Variants in SRP72 observed in about 807,000 individuals in gnomAD.
SRP72 encodes the protein signal recognition particle subunit SRP72.
SRP72 carries 49 observed loss-of-function variants against 96.3 expected under a neutral mutation model. The observed-to-expected ratio is 0.51, with a 90% CI of 0.40 to 0.65. SRP72 has a LOEUF of 0.65. Ranked by LOEUF, SRP72 falls within the 30% of genes least tolerant of loss-of-function variation. The pLI is 0.00. For synonymous variants in SRP72, 267 were observed against 275.2 expected (o/e 0.97, Z 0.30); for missense variants, 736 against 793.3 (o/e 0.93, Z 0.87).
At chr4:56,479,768 G>A (rs566649169) in intron 8 of SRP72, among the ~76,000 whole-genome samples, 35 of 151,978 alleles carry the variant, frequency 2.3e-4, no homozygotes, top group African/African-American at 8.0e-4. Flanking sequence ...AGGGGTGAGC[G>A]ACCACACCCA....
chr4:56,487,901 A>G (rs1284775163), intron 11 of SRP72, 48 bp from the exon 12 acceptor site: 1 of 1,416,808 alleles, frequency 7.1e-7, no homozygotes, highest in Non-Finnish European at 9.6e-7. Context: ...TTTTTTTTTC[A>G]TAATATGTGT....
At position 56,500,527 on chromosome 4, in the gene SRP72, G is replaced by A. The variant is rs182243599; in HGVS notation, c.1679-9G>A. Reference sequence around the variant, plus strand: ...ACACATCTCTCATTTCTTTATAATCGTTATGCAGGAAAATTGCCTAAGAAT... The same window carrying A: ...ACACATCTCTCATTTCTTTATAATCATTATGCAGGAAAATTGCCTAAGAAT... On this transcript the variant is annotated splice_polypyrimidine_tract_variant and intron_variant, in intron 17 of 18. Coordinates refer to ENST00000642900, the MANE Select transcript of SRP72 (RefSeq NM_006947.4). The A allele has an allele frequency of 5.5e-5, 89 of 1,610,060 alleles. No homozygotes were observed. The highest frequency in any genetic ancestry group is 6.7e-5 in the African/African-American group (5 of 74,712).
In SRP72 at chr4:56,503,214, A is replaced by T. The variant is rs1364220580; in HGVS notation, c.*1353A>T. 1 of 152,188 alleles carries T rather than the reference A, an allele frequency of 6.6e-6. No individual in the cohort carries two copies. The highest frequency in any genetic ancestry group is 1.5e-5 in the Non-Finnish European group (1 of 68,028). 9.4% of individuals were successfully genotyped at this position (152,188 alleles called of 1,614,324 possible). On this transcript the variant is annotated 3_prime_UTR_variant, in exon 19 of 19. Coordinates refer to ENST00000642900, the MANE Select transcript of SRP72 (RefSeq NM_006947.4). ...AGAATTTGCAGTGGCATCTAAAGAG[A>T]TCTTTTTTAAATAAAAATTATGTAT...
intron 3 of SRP72, among the ~76,000 whole-genome samples, chr4:56,472,999 A>C (rs1385162458): frequency 6.6e-6 from 1 of 152,086 alleles, no homozygotes; most frequent in East Asian, 1.9e-4. Flanking sequence ...TAAAATGAAG[A>C]TTATAGCGAA....
chr4:56,471,937 T>C, intron 3 of SRP72, 94 bp downstream of exon 3: 1 of 1,483,376 alleles, frequency 6.7e-7, no homozygotes, highest in East Asian at 2.3e-5. Context: ...CAGCCCATCC[T>C]GATGCTCCAC....
chr4:56,468,936 G>C (rs1404128857), intron 1 of SRP72, among the ~76,000 whole-genome samples: 1 of 152,180 alleles, frequency 6.6e-6, no homozygotes, highest in Non-Finnish European at 1.5e-5. Context: ...ACAGGAGCAA[G>C]AGTAACTATG....
chr4:56,473,319 G>A (rs1426046309), intron 3 of SRP72, among the ~76,000 whole-genome samples: 1 of 152,038 alleles, frequency 6.6e-6, no homozygotes, highest in African/African-American at 2.4e-5. Context: ...AATTAGCCAG[G>A]TGTGGTGGCG....
intron 16 of SRP72, among the ~76,000 whole-genome samples, chr4:56,492,931 G>A (rs1578194818): frequency 6.6e-6 from 1 of 152,176 alleles, no homozygotes; most frequent in African/African-American, 2.4e-5. Flanking sequence ...GCTCCAGTGA[G>A]CAGTGATTGC....
chr4:56,471,239 ATGTT>A (rs1288450880), intron 2 of SRP72, among the ~76,000 whole-genome samples: 1 of 152,240 alleles, frequency 6.6e-6, no homozygotes, highest in Non-Finnish European at 1.5e-5. Flanking sequence ...AAGTGTGTGT[ATGTT>A]AGTAGTGTTT....
chr4:56,471,980 G>T, intron 3 of SRP72, 137 bp downstream of exon 3: 1 of 982,602 alleles, frequency 1.0e-6, no homozygotes, highest in Non-Finnish European at 1.5e-6. Context: ...CTTAAGGTTT[G>T]AACATAATTC....
intron 16 of SRP72, among the ~76,000 whole-genome samples, chr4:56,494,989 T>A (rs1285050274): frequency 6.6e-6 from 1 of 152,108 alleles, no homozygotes; most frequent in East Asian, 1.9e-4. Context: ...TGGCAAAAAA[T>A]TTATTCTCTA....
intron 15 of SRP72, among the ~76,000 whole-genome samples, 168 bp downstream of exon 15, chr4:56,490,813 A>G: frequency 6.6e-6 from 1 of 152,324 alleles, no homozygotes; most frequent in South Asian, 2.1e-4. Context: ...TGACTGAAAA[A>G]TGCGGCGATA....
rs1720052654 is a variant in SRP72, at chr4:56,473,282, A to AC, written c.355-768dup. Among the ~76,000 whole-genome samples the AC allele has an allele frequency of 4.6e-5, 7 of 151,816 alleles. No individual in the cohort carries two copies. The South Asian group carries it at 1.5e-3, about 31-fold the overall frequency. On this transcript the variant is annotated intron_variant, in intron 3 of 18. Coordinates refer to ENST00000642900, the MANE Select transcript of SRP72 (RefSeq NM_006947.4). ...AGACCATCCTGGCTAACATGATGAA[A>AC]CCCCATCTCTACTAAAAAATACAAA...
At chr4:56,479,448 G>A (rs1413911623) in intron 8 of SRP72, among the ~76,000 whole-genome samples, 1 of 151,898 alleles carries the variant, frequency 6.6e-6, no homozygotes, top group African/African-American at 2.4e-5. Context: ...CAAAGTGCTG[G>A]GATTACAGGC....
chr4:56,486,272 ATTAG>A, intron 10 of SRP72, 49 bp from the exon 11 acceptor site: 5 of 1,337,496 alleles, frequency 3.7e-6, no homozygotes, highest in Non-Finnish European at 5.3e-6. Flanking sequence ...AATGTATACA[ATTAG>A]TTGTGTAAAT....
At position 56,503,169 on chromosome 4, in the gene SRP72, C is replaced by T. The variant is rs549473540; in HGVS notation, c.*1308C>T. 2.0e-5 allele frequency: 3 copies of T among 152,274 alleles called. No individual in the cohort carries two copies. Among genetic ancestry groups the T allele is most frequent in the South Asian group, 2.1e-4 (1 of 4,828 alleles). The allele number at this position is 152,274 out of a possible 1,614,324, so 9.4% of individuals were successfully genotyped here. Reference sequence around the variant, plus strand: ...TTTACAAGAAAGAAATGGGGTGCTGCCTTTCTGTTTAGTAAAAGCAGAATT... The same window carrying T: ...TTTACAAGAAAGAAATGGGGTGCTGTCTTTCTGTTTAGTAAAAGCAGAATT... On this transcript the variant is annotated 3_prime_UTR_variant, in exon 19 of 19. Coordinates refer to ENST00000642900, the MANE Select transcript of SRP72 (RefSeq NM_006947.4).
chr4:56,501,022 T>C (rs1047694007), intron 18 of SRP72, among the ~76,000 whole-genome samples: 2 of 152,038 alleles, frequency 1.3e-5, no homozygotes, highest in Non-Finnish European at 2.9e-5. Context: ...TAAATAAATA[T>C]CTAGATAAAC....
chr4:56,469,401 T>C (rs1444022398), intron 1 of SRP72, among the ~76,000 whole-genome samples: 2 of 152,206 alleles, frequency 1.3e-5, no homozygotes, highest in African/African-American at 4.8e-5. Flanking sequence ...TACATGTATA[T>C]TGGGAATCTT....
At chr4:56,478,568 T>C (rs763120760) in intron 7 of SRP72, 24 bp from the exon 8 acceptor site, 1 of 1,613,602 alleles carries the variant, frequency 6.2e-7, no homozygotes, top group Non-Finnish European at 8.5e-7. Flanking sequence ...TTGTTTGGTT[T>C]TGACTGTTGC....
Sources: gnomAD v4.1 joint callset for allele counts (sites outside exome capture counted in the v4.1 genomes callset) on GRCh38, gnomAD v4.1.1 for gene constraint, MANE v1.5 for transcripts, NCBI Gene and HGNC (gene_info 2026-07-23, HGNC 2026-07-21) for gene names.